The following ZNF592 variants were observed in gnomAD, a reference collection of about 807,000 sequenced individuals.
ZNF592 encodes the protein spinocerebellar ataxia, autosomal recessive 5.
In ZNF592, 11 loss-of-function variants were observed where a neutral mutation model predicts 80.3. The ratio of observed to expected loss-of-function variants is 0.14; its 90% CI spans 0.09 to 0.23. The LOEUF (loss-of-function observed/expected upper bound fraction) is 0.23. Among genes scored for constraint, ZNF592 ranks in the 10% least tolerant of loss-of-function variants. The pLI is 1.00. For missense variants in ZNF592, 1,420 were observed against 1,633.9 expected (o/e 0.87, Z 2.26); for synonymous variants, 646 against 640.3 (o/e 1.01, Z -0.13).
At chr15:84,773,275 G>A (rs1459156371) in intron 2 of ZNF592, among the ~76,000 whole-genome samples, 5 of 149,212 alleles carry the variant, frequency 3.4e-5, no homozygotes, top group African/African-American at 1.2e-4. Context: ...GCAGTGATGC[G>A]ATCTCGGCTC....
In ZNF592 at chr15:84,797,899, C is replaced by T; in HGVS notation, c.2430C>T (p.Thr810=). 1 of 1,614,246 alleles carries T rather than the reference C, an allele frequency of 6.2e-7. No homozygotes were observed. The highest frequency in any genetic ancestry group is 8.5e-7 in the Non-Finnish European group (1 of 1,180,044). The change falls in exon 6 of 11, where the codon ACC becomes ACT. Residue 810 remains threonine (T), a synonymous_variant. Transcript: ENST00000560079. ...RCIHCGVVHL[T]LALLKSHIQE... Reference sequence around the variant, plus strand: ...TCCACTGTGGTGTCGTCCACCTGACCTTGGCCTTGCTGAAAAGCCACATCC... The same window carrying T: ...TCCACTGTGGTGTCGTCCACCTGACTTTGGCCTTGCTGAAAAGCCACATCC...
At chr15:84,762,951 T>C (rs1025086658) in intron 1 of ZNF592, among the ~76,000 whole-genome samples, 1 of 152,228 alleles carries the variant, frequency 6.6e-6, no homozygotes, top group African/African-American at 2.4e-5. Flanking sequence ...AGCAATGTTG[T>C]CTAATCTTGG....
Position 84,802,011 on chromosome 15 carries a change from G to A in ZNF592, c.3422G>A (p.Ser1141Asn), listed in dbSNP as rs377657119. 3 of 1,613,968 alleles carry A rather than the reference G, an allele frequency of 1.9e-6. No homozygotes were observed. Among genetic ancestry groups the A allele is most frequent in the African/African-American group, 1.3e-5 (1 of 75,026 alleles). ...FATDSGLEFQSHIPQHQVDSS... is the reference protein window; with the variant it reads ...FATDSGLEFQNHIPQHQVDSS... ...ACAGACTCGGGGCTCGAGTTTCAGAGCCACATACCTCAGCACCAGGTGGAC... is the reference window on the plus strand; with the variant it reads ...ACAGACTCGGGGCTCGAGTTTCAGAACCACATACCTCAGCACCAGGTGGAC... The change falls in exon 11 of 11, where the codon AGC becomes AAC. Residue 1141 changes from serine to asparagine, a missense_variant. Ser to Asn is a conservative substitution (Grantham distance 46). Transcript: ENST00000560079.
chr15:84,748,940 G>A (rs997850187), intron 1 of ZNF592, among the ~76,000 whole-genome samples: 4 of 151,510 alleles, frequency 2.6e-5, no homozygotes, highest in South Asian at 2.1e-4. Context: ...TTGGCAGGCC[G>A]GGCACGCTGC....
intron 1 of ZNF592, among the ~76,000 whole-genome samples, chr15:84,752,786 C>G (rs151237312): frequency 1.3e-5 from 2 of 152,160 alleles, no homozygotes; most frequent in African/African-American, 2.4e-5. Flanking sequence ...TTCTCTGCTT[C>G]GTAGACCAGA....
intron 2 of ZNF592, among the ~76,000 whole-genome samples, chr15:84,768,622 C>G (rs1161004636): frequency 1.3e-5 from 2 of 152,112 alleles, no homozygotes; most frequent in Non-Finnish European, 2.9e-5. Context: ...TTTCTTTCCT[C>G]TGGTGTCACA....
Position 84,784,632 on chromosome 15 carries a change from G to A in ZNF592, c.1957G>A (p.Val653Met), listed in dbSNP as rs374582672. Reference protein sequence around the residue: ...GLVMQCSQLLVKPISADQMFV... With the variant: ...GLVMQCSQLLMKPISADQMFV... ...CGTCATGCAGTGTTCCCAGCTGCTG[G>A]TGAAGCCTATCTCTGCGGACCAAAT... The change falls in exon 4 of 11, where the codon GTG (valine) becomes ATG (methionine). Residue 653 changes from valine to methionine, a missense_variant. By Grantham distance (21) the Val-to-Met change is conservative. Coordinates refer to ENST00000560079, the MANE Select transcript of ZNF592 (RefSeq NM_014630.3). This position sits in a 1 kb window ranked among gnomAD's most constrained non-coding sequence, Gnocchi z 5.8. The A allele has an allele frequency of 1.9e-6, 3 of 1,614,086 alleles. No homozygotes were observed. The highest frequency in any genetic ancestry group is 2.2e-5 in the South Asian group (2 of 91,086).
intron 1 of ZNF592, among the ~76,000 whole-genome samples, chr15:84,755,288 G>GT (rs1899136902): frequency 6.6e-6 from 1 of 151,622 alleles, no homozygotes; most frequent in South Asian, 2.1e-4. Context: ...CTTTAAAGAA[G>GT]TTTTTTTTAA....
At chr15:84,789,478 C>T (rs1040088102) in intron 4 of ZNF592, among the ~76,000 whole-genome samples, 4 of 152,096 alleles carry the variant, frequency 2.6e-5, no homozygotes, top group African/African-American at 9.7e-5. Flanking sequence ...TCATATGGTA[C>T]TTCTGTGTTT....
chr15:84,789,303 A>G (rs1006218588), intron 4 of ZNF592, among the ~76,000 whole-genome samples: 4 of 151,636 alleles, frequency 2.6e-5, no homozygotes, highest in African/African-American at 7.3e-5. Context: ...TTGTGTGTAC[A>G]TACCACATTT....
rs1963117789 is a variant in ZNF592 at position 84,802,237 on chromosome 15, T to C, written c.3648T>C (p.Asn1216=). 6.2e-7 allele frequency: 1 copy of C among 1,601,714 alleles called. No homozygotes were observed. The highest frequency in any genetic ancestry group is 8.5e-7 in the Non-Finnish European group (1 of 1,171,382). The change falls in exon 11 of 11, where the codon AAT becomes AAC. Residue 1216 remains asparagine, a synonymous_variant. Transcript: ENST00000560079. ...GEEVPMETRE[N]GLEECAGEPL... Reference sequence around the variant, plus strand: ...AGGTGCCCATGGAGACTAGAGAGAATGGACTGGAAGAATGTGCCGGTGAGC... The same window carrying C: ...AGGTGCCCATGGAGACTAGAGAGAACGGACTGGAAGAATGTGCCGGTGAGC...
intron 5 of ZNF592, among the ~76,000 whole-genome samples, chr15:84,794,016 G>C (rs1962823389): frequency 6.6e-6 from 1 of 152,012 alleles, no homozygotes; most frequent in African/African-American, 2.4e-5. Flanking sequence ...AGTTGCTTTG[G>C]ATACCTAGGA....
chr15:84,794,783 C>T (rs575141890), intron 5 of ZNF592, among the ~76,000 whole-genome samples: 45 of 152,186 alleles, frequency 3.0e-4, no homozygotes, highest in Non-Finnish European at 4.4e-4. Context: ...GGCCTGGACT[C>T]CATCTTCTTT....
intron 2 of ZNF592, among the ~76,000 whole-genome samples, chr15:84,774,928 A>G (rs11633413): frequency 0.2 from 30,710 of 150,912 alleles, 3,821 homozygotes; most frequent in Middle Eastern, 0.37. Context: ...TTACAGGTGT[A>G]CACCACCACG....
At position 84,802,385 on chromosome 15, in the gene ZNF592, C is replaced by A; in HGVS notation, c.3796C>A (p.Gln1266Lys). 1 of 1,613,510 alleles carries A rather than the reference C, an allele frequency of 6.2e-7. No homozygotes were observed. Among genetic ancestry groups the A allele is most frequent in the Non-Finnish European group, 8.5e-7 (1 of 1,180,000 alleles). Residue 1266 changes from glutamine (Q) to lysine (K), a missense_variant, in exon 11 of 11, where the codon CAG becomes AAG. This residue lies in a region of ZNF592 where 24 missense variants were observed against 16.7 expected (regional missense o/e 1.44). Transcript: ENST00000560079. ...CCAGGACAGCCACACACTGTCCCCT[C>A]AGGTGTGACCGGAGACTTTGCAGTG... is the stretch of plus-strand genomic sequence containing the variant. ...QDQDSHTLSP[Q>K]V is the part of the protein sequence containing the mutation.
At chr15:84,751,839 A>G (rs1335873813) in intron 1 of ZNF592, among the ~76,000 whole-genome samples, 1 of 152,128 alleles carries the variant, frequency 6.6e-6, no homozygotes, top group Non-Finnish European at 1.5e-5. Context: ...TGGGAGGTGA[A>G]GGTTGCAGTG....
At position 84,766,706 on chromosome 15, in the gene ZNF592, A is replaced by AGTGTGTGTGTGTGTGTGT. The variant is rs10667788; in HGVS notation, c.-150+1908_-150+1925dup. 3.0e-3 allele frequency among the ~76,000 whole-genome samples: 420 copies of AGTGTGTGTGTGTGTGTGT among 140,224 alleles called. 3 individuals carry two copies. Among genetic ancestry groups the AGTGTGTGTGTGTGTGTGT allele is most frequent in the African/African-American group, 9.3e-3 (343 of 36,856 alleles). 92.0% of individuals were successfully genotyped at this position (140,224 alleles called of 152,430 possible). A position where few individuals can be genotyped will look rare whatever the true frequency, so the allele number is the denominator to read the frequency against. ...AATAGAGGGAGAGAGGATGAGAAAG[A>AGTGTGTGTGTGTGTGTGT]GTGTGTGTGTGTGTGTGTGTGTGTG... On this transcript the variant is annotated intron_variant, in intron 2 of 10. Transcript: ENST00000560079.
Position 84,805,594 on chromosome 15 carries a change from CCTTAA to C in ZNF592, c.*3206_*3210del, listed in dbSNP as rs1419854350. 5 of 152,522 alleles carry C rather than the reference CCTTAA, an allele frequency of 3.3e-5. No individual in the cohort carries two copies. The highest frequency in any genetic ancestry group is 1.9e-4 in the East Asian group (1 of 5,194). The allele number at this position is 152,522 out of a possible 1,614,324, so 9.4% of individuals were successfully genotyped here. ...CTAATTGTTGTAGAAAGAACTTTCC[CCTTAA>C]CTTATGTAAACAGTCTGGTTTTAAA... On this transcript the variant is annotated 3_prime_UTR_variant, in exon 11 of 11. Transcript: ENST00000560079.
chr15:84,771,050 G>A (rs545131350), intron 2 of ZNF592, among the ~76,000 whole-genome samples: 13 of 152,270 alleles, frequency 8.5e-5, no homozygotes, highest in Admixed American at 3.3e-4. Context: ...GGGTTGAAGA[G>A]ACATCCAGGA....
Sources: allele counts gnomAD v4.1 joint callset (sites outside exome capture counted in the v4.1 genomes callset), GRCh38; gene constraint gnomAD v4.1.1; regional missense constraint gnomAD v4.1.1; non-coding constraint Gnocchi (gnomAD v3.1); transcripts MANE v1.5; gene names NCBI Gene and HGNC (gene_info 2026-07-23, HGNC 2026-07-21).